The following IL2RA variants were observed in gnomAD, a reference collection of about 807,000 sequenced individuals.
The protein encoded by IL2RA is interleukin 2 receptor subunit alpha.
Under a neutral mutation model 37.8 loss-of-function variants are expected in IL2RA, and 24 were observed. The ratio of observed to expected loss-of-function variants is 0.63; its 90% confidence interval spans 0.46 to 0.89. The LOEUF (loss-of-function observed/expected upper bound fraction) is 0.89, where lower values mean the gene tolerates loss of function less well. Among genes scored for constraint, IL2RA ranks in the 40% least tolerant of loss-of-function variants. IL2RA has a pLI of 0.00. For missense variants in IL2RA, 319 were observed against 348.6 expected (o/e 0.92, Z 0.68); for synonymous variants, 125 against 114.6 (o/e 1.09, Z -0.58).
rs1840132924 is a variant in IL2RA, at chr10:6,062,226, C to G, written c.-75G>C. ...TGCAGAAGGCCCAGTTGCCGTCAGC[C>G]TCTTTTTGGCATCGCGCCGGAGGAT... On this transcript the variant is annotated 5_prime_UTR_variant, in exon 1 of 8. Coordinates refer to ENST00000379959, the MANE Select transcript of IL2RA (RefSeq NM_000417.3). The G allele has an allele frequency of 7.7e-7, 1 of 1,305,734 alleles. No homozygotes were observed. Among genetic ancestry groups the G allele is most frequent in the African/African-American group, 1.5e-5 (1 of 68,918 alleles). The allele number at this position is 1,305,734 out of a possible 1,614,324, so 80.9% of individuals were successfully genotyped here.
At chr10:6,013,393 T>C (rs551753962) in intron 7 of IL2RA, among the ~76,000 whole-genome samples, 3 of 152,240 alleles carry the variant, frequency 2.0e-5, no homozygotes, top group Non-Finnish European at 4.4e-5. Context: ...TACACTTAAG[T>C]ATCCACAGGT....
Position 6,057,901 on chromosome 10 carries a change from A to C in IL2RA, c.64+4187T>G, listed in dbSNP as rs2132905924. ...AGTGCTTTGGGAGGCCAAGGTGGGCAGATCACCTGAGGTCAGGAGTTCGAG... is the reference window on the plus strand; with the variant it reads ...AGTGCTTTGGGAGGCCAAGGTGGGCCGATCACCTGAGGTCAGGAGTTCGAG... On this transcript the variant is annotated intron_variant, in intron 1 of 7. Transcript: ENST00000379959. The surrounding 1 kb of genome is among the most constrained non-coding windows in gnomAD (Gnocchi z 4.8). Among the ~76,000 whole-genome samples, 1 of 152,312 alleles carries C rather than the reference A, an allele frequency of 6.6e-6. No individual in the cohort carries two copies. Among genetic ancestry groups the C allele is most frequent in the South Asian group, 2.1e-4 (1 of 4,832 alleles).
chr10:6,061,884 T>C (rs1840126212), intron 1 of IL2RA, among the ~76,000 whole-genome samples: 1 of 152,226 alleles, frequency 6.6e-6, no homozygotes, highest in African/African-American at 2.4e-5. Context: ...CAGGAGAACC[T>C]AATGCTATTT....
intron 1 of IL2RA, among the ~76,000 whole-genome samples, chr10:6,041,411 G>A (rs1001040535): frequency 3.9e-5 from 6 of 151,936 alleles, no homozygotes; most frequent in Admixed American, 6.6e-5. Flanking sequence ...CACTGCGCCC[G>A]GCCAATGGTG....
intron 1 of IL2RA, among the ~76,000 whole-genome samples, chr10:6,031,502 A>ATGTATATATATGTATATATATG (rs201395365): frequency 2.8e-4 from 23 of 81,460 alleles, no homozygotes; most frequent in South Asian, 8.0e-4. Flanking sequence ...ATGTATATAT[A>ATGTATATATATGTATATATATG]TATATATATG....
rs1839405368 is a variant in IL2RA, at chr10:6,022,607, G to A, written c.368-914C>T. ...AGCCTCTTCCCCAGCAGGAAGCTGG[G>A]TGGCCCTGTCCCAGGCTGGCTCCTG... is the stretch of plus-strand genomic sequence containing the variant. On this transcript the variant is annotated intron_variant, in intron 3 of 7. Transcript: ENST00000379959. This position sits in a 1 kb window ranked among gnomAD's most constrained non-coding sequence, Gnocchi z 4.7. 6.6e-6 allele frequency among the ~76,000 whole-genome samples: 1 copy of A among 152,210 alleles called. No homozygotes were observed. Among genetic ancestry groups the A allele is most frequent in the Non-Finnish European group, 1.5e-5 (1 of 68,044 alleles).
At chr10:6,061,822 A>C (rs551327291) in intron 1 of IL2RA, among the ~76,000 whole-genome samples, 1 of 152,328 alleles carries the variant, frequency 6.6e-6, no homozygotes, top group South Asian at 2.1e-4. Flanking sequence ...AATATCCCAA[A>C]TATCATGCCA....
rs575045226 is a variant in IL2RA, at chr10:6,029,363, C to T, written c.65-3338G>A. Among the ~76,000 whole-genome samples the T allele has an allele frequency of 5.4e-3, 823 of 152,056 alleles. 12 individuals are homozygous for T. The highest frequency in any genetic ancestry group is 5.7e-3 in the Non-Finnish European group (385 of 67,986). ...TGTTTTTAGTAGAGATGAGGTTTCA[C>T]CACGTTTGCCAGGCTGGTCTCGAAC... On this transcript the variant is annotated intron_variant, in intron 1 of 7. Coordinates refer to ENST00000379959, the MANE Select transcript of IL2RA (RefSeq NM_000417.3). The surrounding 1 kb of genome is among the most constrained non-coding windows in gnomAD (Gnocchi z 4.6).
At position 6,046,780 on chromosome 10, in the gene IL2RA, A is replaced by T. The variant is rs12722508; in HGVS notation, c.64+15308T>A. On this transcript the variant is annotated intron_variant, in intron 1 of 7. Coordinates refer to ENST00000379959, the MANE Select transcript of IL2RA (RefSeq NM_000417.3). This position sits in a 1 kb window ranked among gnomAD's most constrained non-coding sequence, Gnocchi z 4.8. Reference sequence around the variant, plus strand: ...ACAACATTTGATCTCTGATAGTTTCAGTGGGTGGGTTCTATTCTTTTCAAC... The same window carrying T: ...ACAACATTTGATCTCTGATAGTTTCTGTGGGTGGGTTCTATTCTTTTCAAC... Among the ~76,000 whole-genome samples the T allele has an allele frequency of 0.069, 10,431 of 152,274 alleles. 487 individuals are homozygous for T. The highest frequency in any genetic ancestry group is 0.1 in the Non-Finnish European group (7,072 of 67,998).
intron 1 of IL2RA, among the ~76,000 whole-genome samples, chr10:6,042,138 ATGTATT>A: frequency 6.8e-6 from 1 of 147,236 alleles, no homozygotes; most frequent in Admixed American, 6.8e-5. Flanking sequence ...GATGCTAGCA[ATGTATT>A]AAGCAAAAAA....
intron 1 of IL2RA, among the ~76,000 whole-genome samples, chr10:6,041,468 A>G (rs997443931): frequency 1.3e-5 from 2 of 152,206 alleles, no homozygotes; most frequent in African/African-American, 2.4e-5. Flanking sequence ...ACAAACCAGT[A>G]GAAGGAAAAG....
chr10:6,031,974 G>A (rs1012052518), intron 1 of IL2RA, among the ~76,000 whole-genome samples: 8 of 152,122 alleles, frequency 5.3e-5, no homozygotes, highest in African/African-American at 1.9e-4. Context: ...GGAAATCAAG[G>A]CAGCGTAGTA....
rs907751160 is a variant in IL2RA at position 6,033,280 on chromosome 10, G to A, written c.65-7255C>T. Among the ~76,000 whole-genome samples, 2 of 151,654 alleles carry A rather than the reference G, an allele frequency of 1.3e-5. No homozygotes were observed. The highest frequency in any genetic ancestry group is 4.8e-5 in the African/African-American group (2 of 41,242). ...CCCTCCAGCCTGGGCAACAGAGTGA[G>A]ACTCTGTCTCAAAAACAAACAAAGA... On this transcript the variant is annotated intron_variant, in intron 1 of 7. Transcript: ENST00000379959. This position sits in a 1 kb window ranked among gnomAD's most constrained non-coding sequence, Gnocchi z 4.3.
rs12722628 is a variant in IL2RA, at chr10:6,054,884, G to A, written c.64+7204C>T. Among the ~76,000 whole-genome samples, 424 of 151,696 alleles carry A rather than the reference G, an allele frequency of 2.8e-3. 3 individuals carry two copies. Among genetic ancestry groups the A allele is most frequent in the African/African-American group, 9.8e-3 (407 of 41,322 alleles). ...CCTTTTTCTAATTTTTTTTTAAGAGGCAGAGTCTCACTATGTTGCCCAGGC... is the reference window on the plus strand; with the variant it reads ...CCTTTTTCTAATTTTTTTTTAAGAGACAGAGTCTCACTATGTTGCCCAGGC... On this transcript the variant is annotated intron_variant, in intron 1 of 7. Coordinates refer to ENST00000379959, the MANE Select transcript of IL2RA (RefSeq NM_000417.3). This position sits in a 1 kb window ranked among gnomAD's most constrained non-coding sequence, Gnocchi z 4.5.
rs376596128 is a variant in IL2RA at position 6,024,269 on chromosome 10, C to T, written c.342G>A (p.Gln114=). ...RKTTEMQSPM[Q]PVDQASLPGH... ...CTGGAAGGCTCGCTTGGTCCACTGG[C>T]TGCATTGGACTTTGCATTTCTGTGG... Residue 114 remains glutamine, a synonymous_variant, in exon 3 of 8, where the codon CAG becomes CAA. Coordinates refer to ENST00000379959, the MANE Select transcript of IL2RA (RefSeq NM_000417.3). The T allele has an allele frequency of 1.8e-5, 29 of 1,613,152 alleles. No homozygotes were observed. In the African/African-American group the frequency reaches 3.3e-4, roughly 19 times the overall value.
chr10:6,015,391 C>T lies in IL2RA; in HGVS notation c.795-2495G>A, dbSNP rs1300445023. Among the ~76,000 whole-genome samples, 1 of 152,080 alleles carries T rather than the reference C, an allele frequency of 6.6e-6. No individual in the cohort carries two copies. The highest frequency in any genetic ancestry group is 2.4e-5 in the African/African-American group (1 of 41,416). On this transcript the variant is annotated intron_variant, in intron 7 of 7. Coordinates refer to ENST00000379959, the MANE Select transcript of IL2RA (RefSeq NM_000417.3). The surrounding 1 kb of genome is among the most constrained non-coding windows in gnomAD (Gnocchi z 4.9). Reference sequence around the variant, plus strand: ...TACAAGCGTGAGTCTGGCCAGCTTCCCTGATTCTTAATGCTGTTAGCCTAG... The same window carrying T: ...TACAAGCGTGAGTCTGGCCAGCTTCTCTGATTCTTAATGCTGTTAGCCTAG...
intron 1 of IL2RA, among the ~76,000 whole-genome samples, chr10:6,038,469 T>C (rs538078400): frequency 2.0e-5 from 3 of 152,206 alleles, no homozygotes; most frequent in Admixed American, 2.0e-4. Context: ...TCACCATGGC[T>C]CTGGAAGGTA....
rs1314281502 is a variant in IL2RA, at chr10:6,055,883, G to A, written c.64+6205C>T. ...GACGGGGCGGCTGGCCGGGCAGAGG[G>A]GCTCCTCACTTCCCAGTAGGGGTTG... On this transcript the variant is annotated intron_variant, in intron 1 of 7. Coordinates refer to ENST00000379959, the MANE Select transcript of IL2RA (RefSeq NM_000417.3). Among the ~76,000 whole-genome samples the A allele has an allele frequency of 8.7e-4, 4 of 4,594 alleles. 1 individual carries two copies. Among genetic ancestry groups the A allele is most frequent in the African/African-American group, 1.1e-3 (4 of 3,658 alleles). The allele number at this position is 4,594 out of a possible 152,430, so 3.0% of individuals were successfully genotyped here. A position where few individuals can be genotyped will look rare whatever the true frequency, so the allele number is the denominator to read the frequency against.
At chr10:6,027,431 C>G (rs999168437) in intron 1 of IL2RA, among the ~76,000 whole-genome samples, 3 of 152,064 alleles carry the variant, frequency 2.0e-5, no homozygotes, top group South Asian at 2.1e-4. Context: ...CCAGAAATTA[C>G]AGTGGAACAG....
Sources: allele counts gnomAD v4.1 joint callset (sites outside exome capture counted in the v4.1 genomes callset), GRCh38; gene constraint gnomAD v4.1.1; non-coding constraint Gnocchi (gnomAD v3.1); transcripts MANE v1.5; gene names NCBI Gene and HGNC (gene_info 2026-07-23, HGNC 2026-07-21).